Variants in AUTS2 observed in about 807,000 individuals in gnomAD.
The protein encoded by AUTS2 is autism susceptibility gene 2 protein.
In AUTS2, 17 loss-of-function variants were observed where a neutral mutation model predicts 112.4. The observed-to-expected ratio is 0.15, with a 90% CI of 0.10 to 0.23. The LOEUF (loss-of-function observed/expected upper bound fraction) is 0.23. Ranked by LOEUF, AUTS2 falls within the 10% of genes least tolerant of loss-of-function variation. The pLI is 1.00. For synonymous variants in AUTS2, 751 were observed against 702.7 expected (o/e 1.07, Z -1.09); for missense variants, 1,510 against 1,701.6 (o/e 0.89, Z 1.98).
intron 4 of AUTS2, among the ~76,000 whole-genome samples, chr7:70,362,549 A>G (rs1792318864): frequency 6.6e-6 from 1 of 152,080 alleles, no homozygotes; most frequent in African/African-American, 2.4e-5. Context: ...TTCAAGCAGG[A>G]GAAATTCATT....
At chr7:69,927,869 A>G (rs1796084198) in intron 2 of AUTS2, among the ~76,000 whole-genome samples, 1 of 152,258 alleles carries the variant, frequency 6.6e-6, no homozygotes, top group South Asian at 2.1e-4. Context: ...AGAGACCGCC[A>G]GGAACCACAG....
intron 5 of AUTS2, among the ~76,000 whole-genome samples, chr7:70,588,008 T>A (rs1802763430): frequency 6.6e-6 from 1 of 152,172 alleles, no homozygotes; most frequent in South Asian, 2.1e-4. Context: ...AAAAGGCATA[T>A]TTTTGTGGCC....
intron 2 of AUTS2, among the ~76,000 whole-genome samples, chr7:69,967,895 GT>G (rs1305016569): frequency 6.6e-6 from 1 of 152,184 alleles, no homozygotes; most frequent in Admixed American, 6.5e-5. Flanking sequence ...ACTTGGGGAA[GT>G]GAATGAAGCT....
intron 1 of AUTS2, among the ~76,000 whole-genome samples, chr7:69,795,819 G>A (rs1016506282): frequency 1.3e-5 from 2 of 152,200 alleles, no homozygotes; most frequent in Non-Finnish European, 2.9e-5. Flanking sequence ...GGTACAGGAG[G>A]CAGAAGAGCT....
chr7:69,731,464 A>G (rs1786787623), intron 1 of AUTS2, among the ~76,000 whole-genome samples: 1 of 152,192 alleles, frequency 6.6e-6, no homozygotes, highest in Admixed American at 6.5e-5. Context: ...TAATTAAGAA[A>G]ATGTATGTGA....
At chr7:70,741,950 T>A (rs1788139686) in intron 6 of AUTS2, among the ~76,000 whole-genome samples, 2 of 152,204 alleles carry the variant, frequency 1.3e-5, no homozygotes, top group African/African-American at 4.8e-5. Flanking sequence ...TGTATTCCTG[T>A]GGGCTCCAGA....
intron 5 of AUTS2, chr7:70,595,977 G>C (rs1006536163): frequency 6.6e-6 from 1 of 152,202 alleles, no homozygotes; most frequent in Non-Finnish European, 1.5e-5. Context: ...TGCGCGCTTT[G>C]CCTGCGCGCT....
chr7:70,037,831 A>G (rs931743985), intron 2 of AUTS2, among the ~76,000 whole-genome samples: 1 of 152,208 alleles, frequency 6.6e-6, no homozygotes, highest in Non-Finnish European at 1.5e-5. Flanking sequence ...ATTAAATAAT[A>G]TATTACATGT....
chr7:70,644,527 G>A (rs781327362), intron 5 of AUTS2, among the ~76,000 whole-genome samples: 1 of 151,998 alleles, frequency 6.6e-6, no homozygotes, highest in Non-Finnish European at 1.5e-5. Context: ...ACATCGTCTC[G>A]CACCCAGACT....
At chr7:70,513,354 A>C (rs1000381264) in intron 5 of AUTS2, among the ~76,000 whole-genome samples, 1 of 152,208 alleles carries the variant, frequency 6.6e-6, no homozygotes, top group Non-Finnish European at 1.5e-5. Context: ...ACAGCACCAG[A>C]AGCCACAGCC....
At chr7:70,687,250 C>T (rs117751774) in intron 5 of AUTS2, among the ~76,000 whole-genome samples, 337 of 152,230 alleles carry the variant, frequency 2.2e-3, no homozygotes, top group Non-Finnish European at 3.9e-3. Context: ...CAAGTCCAGA[C>T]GGAAACGAGA....
intron 4 of AUTS2, among the ~76,000 whole-genome samples, chr7:70,229,386 C>G (rs1811930453): frequency 6.6e-6 from 1 of 152,076 alleles, no homozygotes; most frequent in Admixed American, 6.6e-5. Flanking sequence ...TGAAGACATC[C>G]TCCCACTGTC....
intron 5 of AUTS2, among the ~76,000 whole-genome samples, chr7:70,613,888 C>T (rs1253067713): frequency 6.6e-6 from 1 of 152,206 alleles, no homozygotes; most frequent in African/African-American, 2.4e-5. Flanking sequence ...CATCAACATG[C>T]ATTCACATCC....
In AUTS2 at chr7:70,157,074, G is replaced by A. The variant is rs367775102; in HGVS notation, c.660+22503G>A. ...CCCGGGTGACACAGTGCAAGACTCC[G>A]TCTTACCAAAAAAAAAAGCAAGTGA... On this transcript the variant is annotated intron_variant, in intron 4 of 18. Coordinates refer to ENST00000342771, the MANE Select transcript of AUTS2 (RefSeq NM_015570.4). 6.6e-5 allele frequency among the ~76,000 whole-genome samples: 10 copies of A among 150,810 alleles called. 1 individual carries two copies. The South Asian group carries it at 8.4e-4, about 13-fold the overall frequency.
At chr7:70,669,244 C>T (rs1205293772) in intron 5 of AUTS2, among the ~76,000 whole-genome samples, 3 of 152,126 alleles carry the variant, frequency 2.0e-5, no homozygotes, top group African/African-American at 2.4e-5. Flanking sequence ...GCCTGGAGGG[C>T]GGCAACGTGT....
chr7:70,753,507 G>T (rs1788993852), intron 6 of AUTS2, among the ~76,000 whole-genome samples: 1 of 152,118 alleles, frequency 6.6e-6, no homozygotes. Flanking sequence ...CAATTTATTT[G>T]TACAGTTTCA....
At chr7:70,003,864 AT>A (rs1799377013) in intron 2 of AUTS2, among the ~76,000 whole-genome samples, 1 of 90,376 alleles carries the variant, frequency 1.1e-5, no homozygotes, top group East Asian at 2.9e-4. Flanking sequence ...GAATATATAT[AT>A]AATATATGAA....
At chr7:69,668,507 C>G (rs950830703) in intron 1 of AUTS2, among the ~76,000 whole-genome samples, 34 of 152,190 alleles carry the variant, frequency 2.2e-4, no homozygotes, top group African/African-American at 7.7e-4. Flanking sequence ...AATATGCAGA[C>G]AAATACATTT....
At chr7:69,799,166 G>A (rs897413829) in intron 1 of AUTS2, among the ~76,000 whole-genome samples, 6 of 152,088 alleles carry the variant, frequency 3.9e-5, no homozygotes. Context: ...AGAAAGTGGT[G>A]GAGTTAAGTC....
Sources: allele counts gnomAD v4.1 joint callset (sites outside exome capture counted in the v4.1 genomes callset), GRCh38; gene constraint gnomAD v4.1.1; transcripts MANE v1.5; gene names NCBI Gene and HGNC (gene_info 2026-07-23, HGNC 2026-07-21).